The following CHMP2A variants were observed in gnomAD, a reference collection of about 807,000 sequenced individuals.
CHMP2A encodes charged multivesicular body protein 2A.
CHMP2A carries 6 observed loss-of-function variants against 21.8 expected under a neutral mutation model. That is an observed-to-expected ratio of 0.28 (90% CI 0.15 to 0.54). The LOEUF (loss-of-function observed/expected upper bound fraction) is 0.54, where lower values mean the gene tolerates loss of function less well. Among genes scored for constraint, CHMP2A ranks in the 20% least tolerant of loss-of-function variants. The pLI, the probability that CHMP2A is intolerant of heterozygous loss-of-function variation, is 0.95. For synonymous variants in CHMP2A, 125 were observed against 107.0 expected (o/e 1.17, Z -1.04); for missense variants, 303 against 293.9 (o/e 1.03, Z -0.23).
At position 58,552,294 on chromosome 19, in the gene CHMP2A, C is replaced by T. The variant is rs756942841; in HGVS notation, c.313G>A (p.Gly105Ser). The change falls in exon 3 of 6, where the codon GGT becomes AGT. Residue 105 changes from glycine to serine, a missense_variant. Gly to Ser is a moderately conservative substitution (Grantham distance 56). Transcript: ENST00000312547. Reference protein sequence around the residue: ...SNNSMAQAMKGVTKAMGTMNR... With the variant: ...SNNSMAQAMKSVTKAMGTMNR... ...ATGGTGCCCATGGCCTTGGTGACAC[C>T]CTTCATGGCTTGTGCCATCGAGTTG... 6.2e-7 allele frequency: 1 copy of T among 1,614,160 alleles called. No homozygotes were observed. The highest frequency in any genetic ancestry group is 8.5e-7 in the Non-Finnish European group (1 of 1,180,036).
rs760950597 is a variant in CHMP2A, at chr19:58,554,092, TCTC to T, written c.118_120del (p.Glu40del). ...TTCTTAATGTCTGCAATGATTTTCT[TCTC>T]CTGGGTCTCTAGTTTCTGTCGCTCG... On this transcript the variant is annotated inframe_deletion, in exon 2 of 6. Coordinates refer to ENST00000312547, the MANE Select transcript of CHMP2A (RefSeq NM_014453.4). 1.9e-6 allele frequency: 3 copies of T among 1,614,018 alleles called. No individual in the cohort carries two copies. The highest frequency in any genetic ancestry group is 1.7e-5 in the Admixed American group (1 of 60,014).
At position 58,551,949 on chromosome 19, in the gene CHMP2A, C is replaced by G. The variant is rs936234835; in HGVS notation, c.498G>C (p.Gln166His). The change falls in exon 5 of 6, where the codon CAG becomes CAC. Residue 166 changes from glutamine to histidine, a missense_variant. By Grantham distance (24) the Gln-to-His change is conservative. Transcript: ENST00000312547. Reference protein sequence around the residue: ...DEEESDAVVSQVLDELGLSLT... With the variant: ...DEEESDAVVSHVLDELGLSLT... ...GGCTAAGTCCCAGCTCATCCAGAAC[C>G]TGGGACACCACAGCATCACTAGGGA... is the stretch of plus-strand genomic sequence containing the variant. 1.5e-5 allele frequency: 25 copies of G among 1,614,074 alleles called. No homozygotes were observed. Among genetic ancestry groups the G allele is most frequent in the African/African-American group, 2.7e-5 (2 of 74,920 alleles).
chr19:58,552,036 C>A lies in CHMP2A; in HGVS notation c.479+19G>T, dbSNP rs753026497. On this transcript the variant is annotated intron_variant, in intron 4 of 5. Transcript: ENST00000312547. ...GGGCCAGGCAAACATCTCCACCCTC[C>A]CATCCAGTTTCCCCATACCTCTCCT... is the stretch of plus-strand genomic sequence containing the variant. The A allele has an allele frequency of 2.5e-6, 4 of 1,614,066 alleles. No individual in the cohort carries two copies. In the African/African-American group the frequency reaches 5.3e-5, roughly 22 times the overall value.
chr19:58,553,772 A>AT (rs2053860067), intron 2 of CHMP2A: 3 of 448,752 alleles, frequency 6.7e-6, no homozygotes, highest in Non-Finnish European at 1.2e-5. Flanking sequence ...GTCATCTCCC[A>AT]TTTTTTTGAG....
intron 2 of CHMP2A, chr19:58,553,664 T>C: frequency 3.5e-6 from 1 of 287,990 alleles, no homozygotes; most frequent in South Asian, 3.1e-5. Context: ...TCTGAGCTAC[T>C]GCGCCCGGCC....
intron 1 of CHMP2A, 89 bp from the exon 2 acceptor site, chr19:58,554,325 G>C (rs935635133): frequency 1.6e-6 from 2 of 1,213,608 alleles, no homozygotes; most frequent in Non-Finnish European, 2.3e-6. Context: ...CTTGCCAAAT[G>C]GGAAGGGGCT....
rs1431733496 is a variant in CHMP2A, at chr19:58,551,726, C to T, written c.592G>A (p.Ala198Thr). The T allele has an allele frequency of 3.1e-6, 5 of 1,614,114 alleles. No homozygotes were observed. Among genetic ancestry groups the T allele is most frequent in the Non-Finnish European group, 4.2e-6 (5 of 1,180,024 alleles). ...SLSVAAGGKK[A>T]EAAASALADA... ...GCTAGGGCTGAGGCTGCGGCCTCTG[C>T]TTTTTTCCCACCAGCAGCCACACTA... The change falls in exon 6 of 6, where the codon GCA (alanine) becomes ACA (threonine). Residue 198 changes from alanine to threonine, a missense_variant. Physicochemically the swap from Ala to Thr is moderately conservative, Grantham distance 58. Coordinates refer to ENST00000312547, the MANE Select transcript of CHMP2A (RefSeq NM_014453.4).
intron 2 of CHMP2A, among the ~76,000 whole-genome samples, chr19:58,553,152 G>T (rs904807265): frequency 6.6e-6 from 1 of 151,754 alleles, no homozygotes; most frequent in Admixed American, 6.6e-5. Flanking sequence ...GTGCCTCCCG[G>T]CCTCAAGCGA....
At chr19:58,554,294 G>A in intron 1 of CHMP2A, 58 bp from the exon 2 acceptor site, 1 of 1,489,114 alleles carries the variant, frequency 6.7e-7, no homozygotes, top group Non-Finnish European at 9.1e-7. Context: ...AGGGCAAGAA[G>A]CAGAACAGGG....
intron 2 of CHMP2A, 165 bp downstream of exon 2, chr19:58,553,880 T>C (rs999251116): frequency 1.2e-6 from 1 of 810,066 alleles, no homozygotes. Context: ...CTCATACCAG[T>C]TCCTTGGAGG....
At position 58,551,910 on chromosome 19, in the gene CHMP2A, C is replaced by G. The variant is rs1268897818; in HGVS notation, c.537G>C (p.Leu179=). 6.2e-7 allele frequency: 1 copy of G among 1,614,012 alleles called. No homozygotes were observed. The highest frequency in any genetic ancestry group is 1.1e-5 in the South Asian group (1 of 91,078). Residue 179 remains leucine, a synonymous_variant, in exon 5 of 6, where the codon CTG becomes CTC. Transcript: ENST00000312547. ...DELGLSLTDE[L]SNLPSTGGSL... Reference sequence around the variant, plus strand: ...TCCAGGATTTGGAGCACTCACTCGACAGCTCATCTGTTAGGCTAAGTCCCA... The same window carrying G: ...TCCAGGATTTGGAGCACTCACTCGAGAGCTCATCTGTTAGGCTAAGTCCCA...
At position 58,551,640 on chromosome 19, in the gene CHMP2A, C is replaced by T; in HGVS notation, c.*9G>A. ...GCATCCACTGGTTATCTCGGAGTGG[C>T]AGGGGCACTCAGTCCCTCCGCAGGT... On this transcript the variant is annotated 3_prime_UTR_variant, in exon 6 of 6. Transcript: ENST00000312547. The T allele has an allele frequency of 6.2e-7, 1 of 1,612,560 alleles. No homozygotes were observed. The highest frequency in any genetic ancestry group is 8.5e-7 in the Non-Finnish European group (1 of 1,179,092).
chr19:58,551,843 G>A (rs2053830285), intron 5 of CHMP2A, 63 bp downstream of exon 5: 1 of 1,614,092 alleles, frequency 6.2e-7, no homozygotes, highest in African/African-American at 1.3e-5. Flanking sequence ...CAGGGAAAGG[G>A]AGGGCTTGGA....
chr19:58,554,292 A>C, intron 1 of CHMP2A, 56 bp from the exon 2 acceptor site: 2 of 1,506,176 alleles, frequency 1.3e-6, no homozygotes, highest in Non-Finnish European at 1.8e-6. Flanking sequence ...GGAGGGCAAG[A>C]AGCAGAACAG....
Position 58,551,987 on chromosome 19 carries a change from CAGTG to C in CHMP2A, c.480-24_480-21del, listed in dbSNP as rs755120479. 21 of 1,614,204 alleles carry C rather than the reference CAGTG, an allele frequency of 1.3e-5. 1 individual carries two copies. The African/African-American group carries it at 1.9e-4, about 14-fold the overall frequency. On this transcript the variant is annotated intron_variant, in intron 4 of 5. Coordinates refer to ENST00000312547, the MANE Select transcript of CHMP2A (RefSeq NM_014453.4). ...GCATCACTAGGGAAGAGAGAGAACTCAGTGAGGGCTATGCACTCCGTGAGGGCCA... is the reference window on the plus strand; with the variant it reads ...GCATCACTAGGGAAGAGAGAGAACTCAGGGCTATGCACTCCGTGAGGGCCA...
rs1292492119 is a variant in CHMP2A at position 58,551,595 on chromosome 19, G to T, written c.*54C>A. On this transcript the variant is annotated 3_prime_UTR_variant, in exon 6 of 6. Transcript: ENST00000312547. ...GTCAAATCTCTTTTATTACAGAGGGGTTGTGGTAAAAGATCCTGGGCATCC... is the reference window on the plus strand; with the variant it reads ...GTCAAATCTCTTTTATTACAGAGGGTTTGTGGTAAAAGATCCTGGGCATCC... 3.8e-6 allele frequency: 6 copies of T among 1,578,956 alleles called. No homozygotes were observed. The highest frequency in any genetic ancestry group is 3.4e-5 in the Admixed American group (2 of 58,282).
intron 1 of CHMP2A, 143 bp from the exon 2 acceptor site, chr19:58,554,379 T>G: frequency 1.5e-6 from 1 of 675,796 alleles, no homozygotes; most frequent in South Asian, 2.0e-5. Context: ...AGGGAGCAGC[T>G]GAGAACACTG....
intron 4 of CHMP2A, 37 bp downstream of exon 4, chr19:58,552,018 G>A (rs1365164402): frequency 3.7e-6 from 6 of 1,614,116 alleles, no homozygotes; most frequent in South Asian, 1.1e-5. Context: ...TGAGGGCCAG[G>A]CAAACATCTC....
Position 58,552,289 on chromosome 19 carries a change from G to A in CHMP2A, c.318C>T (p.Val106=). Residue 106 remains valine, a synonymous_variant, in exon 3 of 6, where the codon GTC becomes GTT. Transcript: ENST00000312547. ...TGTTCATGGTGCCCATGGCCTTGGT[G>A]ACACCCTTCATGGCTTGTGCCATCG... ...NNSMAQAMKG[V]TKAMGTMNRQ... is the part of the protein sequence containing the mutation. The A allele has an allele frequency of 6.2e-7, 1 of 1,614,224 alleles. No individual in the cohort carries two copies. Among genetic ancestry groups the A allele is most frequent in the South Asian group, 1.1e-5 (1 of 91,082 alleles).
Sources: gnomAD v4.1 joint callset for allele counts (sites outside exome capture counted in the v4.1 genomes callset) on GRCh38, gnomAD v4.1.1 for gene constraint, MANE v1.5 for transcripts, NCBI Gene and HGNC (gene_info 2026-07-23, HGNC 2026-07-21) for gene names.